GRM8: variants seen among roughly 807,000 people sequenced by gnomAD.
GRM8 encodes glutamate metabotropic receptor 8, also known as metabotropic glutamate receptor 8.
Under a neutral mutation model 87.2 loss-of-function variants are expected in GRM8, and 47 were observed. The observed-to-expected ratio is 0.54, with a 90% CI of 0.43 to 0.69. GRM8 has a LOEUF of 0.69. Among genes scored for constraint, GRM8 ranks in the 30% least tolerant of loss-of-function variants. The pLI, the probability that GRM8 is intolerant of heterozygous loss-of-function variation, is 0.00. For missense variants in GRM8, 1,019 were observed against 1,139.2 expected, an observed-to-expected ratio of 0.89 and a Z score of 1.52; for synonymous variants, 396 against 404.5, an observed-to-expected ratio of 0.98 and a Z score of 0.25.
chr7:127,073,182 G>A (rs1821898892), intron 3 of GRM8, among the ~76,000 whole-genome samples: 1 of 152,142 alleles, frequency 6.6e-6, no homozygotes, highest in Non-Finnish European at 1.5e-5. Flanking sequence ...AAACTTCTAA[G>A]TACTGGAGGG....
intron 7 of GRM8, among the ~76,000 whole-genome samples, chr7:126,681,985 C>A (rs1376756186): frequency 1.3e-5 from 2 of 152,082 alleles, no homozygotes; most frequent in African/African-American, 2.4e-5. Context: ...CATCCCAACC[C>A]AATATATAGA....
At chr7:126,992,806 CGTGTGTGTGTGTGTGTGTGTGTATGT>C (rs1311588949) in intron 3 of GRM8, among the ~76,000 whole-genome samples, 1 of 147,326 alleles carries the variant, frequency 6.8e-6, no homozygotes, top group Non-Finnish European at 1.5e-5. Context: ...TCTCTCTCTC[CGTGTGTGTGTGTGTGTGTGTGTATGT>C]GTGTGTGTGT....
At chr7:126,944,425 T>C (rs1240346613) in intron 3 of GRM8, among the ~76,000 whole-genome samples, 3 of 152,136 alleles carry the variant, frequency 2.0e-5, no homozygotes, top group African/African-American at 4.8e-5. Context: ...CTAAACTAGA[T>C]ACTTGACCCA....
At chr7:126,463,710 T>C (rs1399188141) in intron 9 of GRM8, among the ~76,000 whole-genome samples, 1 of 151,638 alleles carries the variant, frequency 6.6e-6, no homozygotes, top group Non-Finnish European at 1.5e-5. Flanking sequence ...CAAAAGGAAG[T>C]TGGGCTGTCA....
At chr7:126,592,692 A>G (rs1283314877) in intron 8 of GRM8, among the ~76,000 whole-genome samples, 1 of 151,972 alleles carries the variant, frequency 6.6e-6, no homozygotes, top group Non-Finnish European at 1.5e-5. Context: ...ACCCGTAGCT[A>G]ACATCAAACT....
At chr7:126,593,548 T>G (rs1796887134) in intron 8 of GRM8, among the ~76,000 whole-genome samples, 1 of 152,022 alleles carries the variant, frequency 6.6e-6, no homozygotes, top group South Asian at 2.1e-4. Context: ...ATATCTACCA[T>G]GCAGAAGAAT....
chr7:126,718,763 T>C (rs1168045271), intron 7 of GRM8, among the ~76,000 whole-genome samples: 1 of 152,246 alleles, frequency 6.6e-6, no homozygotes. Flanking sequence ...TGCACTATTA[T>C]ATGTTCGTGT....
rs1477673724 is a variant in GRM8, at chr7:127,250,781, A to G, written c.-312+2016T>C. 2.6e-5 allele frequency: 4 copies of G among 152,330 alleles called. No individual in the cohort carries two copies. In the East Asian group the frequency reaches 7.7e-4, roughly 29 times the overall value. 9.4% of individuals were successfully genotyped at this position (152,330 alleles called of 1,614,324 possible). ...TTTCTGTAGCCATTTGCAATTATTG[A>G]CAAACAATTTCATAACGGAAAGTGG... is the stretch of plus-strand genomic sequence containing the variant. On this transcript the variant is annotated intron_variant, in intron 1 of 10. Coordinates refer to ENST00000339582, the MANE Select transcript of GRM8 (RefSeq NM_000845.3).
chr7:126,767,044 C>T (rs1469622131), intron 7 of GRM8, among the ~76,000 whole-genome samples: 1 of 152,140 alleles, frequency 6.6e-6, no homozygotes, highest in African/African-American at 2.4e-5. Flanking sequence ...GTAAGCAGGA[C>T]TAAGGAAGTG....
intron 9 of GRM8, among the ~76,000 whole-genome samples, chr7:126,519,286 G>C (rs938243080): frequency 6.6e-6 from 1 of 152,064 alleles, no homozygotes; most frequent in African/African-American, 2.4e-5. Context: ...GAGCACATAT[G>C]TGTTTAGAAC....
At chr7:126,546,730 A>G (rs1817203065) in intron 8 of GRM8, among the ~76,000 whole-genome samples, 2 of 152,246 alleles carry the variant, frequency 1.3e-5, no homozygotes, top group Non-Finnish European at 2.9e-5. Flanking sequence ...GCTACATCCT[A>G]GTGATTCCTT....
chr7:127,212,905 T>C (rs984363612), intron 2 of GRM8, among the ~76,000 whole-genome samples: 1 of 152,224 alleles, frequency 6.6e-6, no homozygotes, highest in African/African-American at 2.4e-5. Flanking sequence ...CTGGTCAAAT[T>C]TGCATGAGGC....
intron 8 of GRM8, among the ~76,000 whole-genome samples, chr7:126,544,401 C>T (rs1020791461): frequency 5.9e-5 from 9 of 152,192 alleles, no homozygotes; most frequent in Admixed American, 2.6e-4. Flanking sequence ...TAGATTATGT[C>T]ATCCGCAGCT....
rs185791767 is a variant in GRM8 at position 126,541,624 on chromosome 7, T to C, written c.1495-7737A>G. ...AGAGAAGTCAATCACGCTGAGGCTG[T>C]TGCGGAATTCCAGATGAAAGATGAT... is the stretch of plus-strand genomic sequence containing the variant. On this transcript the variant is annotated intron_variant, in intron 8 of 10. Coordinates refer to ENST00000339582, the MANE Select transcript of GRM8 (RefSeq NM_000845.3). Among the ~76,000 whole-genome samples the C allele has an allele frequency of 1.3e-3, 202 of 152,326 alleles. 2 individuals carry two copies. The South Asian group carries it at 0.019, about 14-fold the overall frequency.
chr7:127,022,170 C>CTT (rs76117895), intron 3 of GRM8, among the ~76,000 whole-genome samples: 1 of 144,030 alleles, frequency 6.9e-6, no homozygotes, highest in African/African-American at 2.5e-5. Context: ...GATAATGTTT[C>CTT]TTTTTTTTTT....
intron 8 of GRM8, among the ~76,000 whole-genome samples, chr7:126,561,711 G>A (rs1424180596): frequency 6.6e-6 from 1 of 151,010 alleles, no homozygotes; most frequent in Non-Finnish European, 1.5e-5. Context: ...GTGCCATGTT[G>A]GTGTGCTGCA....
At chr7:126,716,688 A>G (rs1380370976) in intron 7 of GRM8, among the ~76,000 whole-genome samples, 1 of 152,226 alleles carries the variant, frequency 6.6e-6, no homozygotes, top group East Asian at 1.9e-4. Context: ...TCAAGAGCCA[A>G]GGACTTTCAT....
In GRM8 at chr7:126,892,768, T is replaced by C. The variant is rs1199538937; in HGVS notation, c.1156+9774A>G. Reference sequence around the variant, plus strand: ...AGTCCCACCAACAGTGTAAAAGTGTTCCTATTTCTCCACATCCTCTCCAGC... The same window carrying C: ...AGTCCCACCAACAGTGTAAAAGTGTCCCTATTTCTCCACATCCTCTCCAGC... On this transcript the variant is annotated intron_variant, in intron 6 of 10. Coordinates refer to ENST00000339582, the MANE Select transcript of GRM8 (RefSeq NM_000845.3). Among the ~76,000 whole-genome samples the C allele has an allele frequency of 3.3e-5, 5 of 152,218 alleles. No homozygotes were observed. In the East Asian group the frequency reaches 7.7e-4, roughly 24 times the overall value.
At chr7:127,040,182 T>C (rs1818292079) in intron 3 of GRM8, among the ~76,000 whole-genome samples, 1 of 151,826 alleles carries the variant, frequency 6.6e-6, no homozygotes, top group African/African-American at 2.4e-5. Flanking sequence ...AGGAGTCCTG[T>C]ATCTCCAGGA....
Sources: allele counts gnomAD v4.1 joint callset (sites outside exome capture counted in the v4.1 genomes callset), GRCh38; gene constraint gnomAD v4.1.1; transcripts MANE v1.5; gene names NCBI Gene and HGNC (gene_info 2026-07-23, HGNC 2026-07-21).